The following TEAD1 variants were observed in gnomAD, a reference collection of about 807,000 sequenced individuals.
TEAD1 encodes transcriptional enhancer factor TEF-1.
TEAD1 carries 9 observed loss-of-function variants against 54.9 expected under a neutral mutation model. The ratio of observed to expected loss-of-function variants is 0.16; its 90% CI spans 0.10 to 0.29. The LOEUF is 0.29. Among genes scored for constraint, TEAD1 ranks in the 10% least tolerant of loss-of-function variants. TEAD1 has a pLI of 1.00. For missense variants in TEAD1, 387 were observed against 535.9 expected, an observed-to-expected ratio of 0.72 and a Z score of 2.74; for synonymous variants, 200 against 187.8, an observed-to-expected ratio of 1.07 and a Z score of -0.53.
chr11:12,917,233 TC>T (rs1331116684), intron 10 of TEAD1, among the ~76,000 whole-genome samples: 1 of 152,124 alleles, frequency 6.6e-6, no homozygotes, highest in Non-Finnish European at 1.5e-5. Context: ...GGCTGGTGTT[TC>T]TGGCTTTGAA....
At chr11:12,880,399 A>G (rs1292166608) in intron 6 of TEAD1, among the ~76,000 whole-genome samples, 1 of 152,224 alleles carries the variant, frequency 6.6e-6, no homozygotes, top group Non-Finnish European at 1.5e-5. Context: ...TAGCAAAACA[A>G]GAGTTTGGAT....
intron 2 of TEAD1, among the ~76,000 whole-genome samples, chr11:12,724,832 G>T (rs1000729559): frequency 6.6e-6 from 1 of 152,166 alleles, no homozygotes; most frequent in Non-Finnish European, 1.5e-5. Context: ...GGTCTTTTGT[G>T]CTCCAGTAGG....
intron 2 of TEAD1, among the ~76,000 whole-genome samples, chr11:12,756,332 T>C (rs1340896780): frequency 2.0e-5 from 3 of 152,188 alleles, no homozygotes; most frequent in African/African-American, 7.2e-5. Context: ...AGCATTCCCA[T>C]TCCCTGAGAA....
intron 2 of TEAD1, among the ~76,000 whole-genome samples, chr11:12,723,241 G>A (rs1230599830): frequency 1.3e-5 from 2 of 152,102 alleles, no homozygotes; most frequent in African/African-American, 4.8e-5. Context: ...CAAAAGTTTG[G>A]CTCAATGGTG....
intron 5 of TEAD1, among the ~76,000 whole-genome samples, chr11:12,875,017 C>T (rs1348723281): frequency 6.6e-6 from 1 of 152,198 alleles, no homozygotes; most frequent in African/African-American, 2.4e-5. Context: ...CGCACACATA[C>T]ACACTCAGAA....
intron 2 of TEAD1, among the ~76,000 whole-genome samples, chr11:12,685,951 T>C (rs1013644471): frequency 7.9e-5 from 12 of 152,212 alleles, no homozygotes; most frequent in African/African-American, 2.7e-4. Context: ...TTTTTCTTAA[T>C]TTTAACCTGG....
intron 2 of TEAD1, among the ~76,000 whole-genome samples, chr11:12,747,769 T>C (rs1240271861): frequency 1.3e-5 from 2 of 152,238 alleles, no homozygotes; most frequent in African/African-American, 4.8e-5. Context: ...GTTAATACTT[T>C]CATGGATCAT....
intron 2 of TEAD1, among the ~76,000 whole-genome samples, chr11:12,746,515 G>A (rs1420464067): frequency 1.3e-5 from 2 of 152,200 alleles, no homozygotes; most frequent in Non-Finnish European, 2.9e-5. Flanking sequence ...ATATAAATAT[G>A]TTACCCTGAT....
At chr11:12,926,226 C>G (rs2919334) in intron 11 of TEAD1, among the ~76,000 whole-genome samples, 2 of 151,940 alleles carry the variant, frequency 1.3e-5, no homozygotes, top group Non-Finnish European at 2.9e-5. Context: ...TCTTAAGACC[C>G]TGGGCTAAGC....
At chr11:12,863,617 C>T (rs1185245797) in intron 4 of TEAD1, among the ~76,000 whole-genome samples, 2 of 152,184 alleles carry the variant, frequency 1.3e-5, no homozygotes, top group South Asian at 4.1e-4. Context: ...AATCACCACA[C>T]AGTCTGAGTC....
chr11:12,759,941 A>G (rs1945068238), intron 2 of TEAD1, among the ~76,000 whole-genome samples: 1 of 152,218 alleles, frequency 6.6e-6, no homozygotes, highest in African/African-American at 2.4e-5. Context: ...AACGGTTACT[A>G]CCCTGAACCA....
At chr11:12,782,560 C>T (rs981412762) in intron 3 of TEAD1, among the ~76,000 whole-genome samples, 1 of 152,164 alleles carries the variant, frequency 6.6e-6, no homozygotes, top group Non-Finnish European at 1.5e-5. Flanking sequence ...TACGGTAATG[C>T]TTACACAACT....
chr11:12,736,386 G>T (rs1057128362), intron 2 of TEAD1, among the ~76,000 whole-genome samples: 1 of 152,086 alleles, frequency 6.6e-6, no homozygotes, highest in Non-Finnish European at 1.5e-5. Context: ...AGGTAAAAAT[G>T]AATTCAATTT....
intron 11 of TEAD1, among the ~76,000 whole-genome samples, chr11:12,928,655 A>G (rs1391513164): frequency 2.0e-5 from 3 of 152,178 alleles, no homozygotes; most frequent in African/African-American, 7.2e-5. Flanking sequence ...GGAAATAACT[A>G]TTCTTTAAAG....
chr11:12,783,839 T>G (rs531405438), intron 3 of TEAD1, among the ~76,000 whole-genome samples: 1 of 152,148 alleles, frequency 6.6e-6, no homozygotes, highest in African/African-American at 2.4e-5. Context: ...GGGTGGCTTG[T>G]AAGCTGAGAG....
chr11:12,752,213 G>GTTT (rs35143229), intron 2 of TEAD1, among the ~76,000 whole-genome samples: 1,039 of 100,940 alleles, frequency 0.01, 22 homozygotes, highest in South Asian at 0.014. Flanking sequence ...AAACAGGGCA[G>GTTT]TTTTTTTTTT....
At chr11:12,871,228 C>T (rs1275540954) in intron 5 of TEAD1, among the ~76,000 whole-genome samples, 1 of 152,218 alleles carries the variant, frequency 6.6e-6, no homozygotes, top group Non-Finnish European at 1.5e-5. Context: ...GCTGCAGCGA[C>T]AGCAGTGTCA....
intron 9 of TEAD1, among the ~76,000 whole-genome samples, chr11:12,890,908 G>T (rs144406918): frequency 0.016 from 2,505 of 152,030 alleles, 75 homozygotes; most frequent in African/African-American, 0.057. Context: ...GGGATTACAG[G>T]CATGTACCAT....
chr11:12,895,208 G>C (rs1377732878), intron 9 of TEAD1, among the ~76,000 whole-genome samples: 1 of 147,640 alleles, frequency 6.8e-6, no homozygotes, highest in Non-Finnish European at 1.5e-5. Flanking sequence ...AACCCCCCCC[G>C]GGTATCTCAG....
Sources: allele counts gnomAD v4.1 joint callset (sites outside exome capture counted in the v4.1 genomes callset), GRCh38; gene constraint gnomAD v4.1.1; transcripts MANE v1.5; gene names NCBI Gene and HGNC (gene_info 2026-07-23, HGNC 2026-07-21).